LRP1B: variants seen among roughly 807,000 people sequenced by gnomAD.
LRP1B encodes LDL receptor related protein 1B.
A neutral mutation model predicts 556.6 loss-of-function variants in LRP1B; 217 were observed. The ratio of observed to expected loss-of-function variants is 0.39; its 90% CI spans 0.35 to 0.44. The LOEUF (loss-of-function observed/expected upper bound fraction) is 0.44. Among genes scored for constraint, LRP1B ranks in the 20% least tolerant of loss-of-function variants. LRP1B has a pLI of 1.00. For synonymous variants in LRP1B, 2,047 were observed against 1,865.8 expected (o/e 1.10, Z -2.50); for missense variants, 5,053 against 5,620.8 (o/e 0.90, Z 3.23).
chr2:140,704,720 T>G (rs1482887372), intron 37 of LRP1B, among the ~76,000 whole-genome samples: 1 of 152,178 alleles, frequency 6.6e-6, no homozygotes, highest in Non-Finnish European at 1.5e-5. Context: ...GGAGGCACTG[T>G]GAGACCAGGG....
intron 2 of LRP1B, among the ~76,000 whole-genome samples, chr2:141,802,095 T>G (rs1567307): frequency 0.18 from 27,892 of 152,090 alleles, 3,012 homozygotes; most frequent in East Asian, 0.39. Context: ...AAATTCATGC[T>G]GAATTCTAAG....
chr2:141,830,800 G>A (rs1697089480), intron 1 of LRP1B, among the ~76,000 whole-genome samples: 2 of 151,822 alleles, frequency 1.3e-5, no homozygotes, highest in Non-Finnish European at 1.5e-5. Context: ...AAGGAAAACT[G>A]TAAGAGGACA....
intron 41 of LRP1B, among the ~76,000 whole-genome samples, chr2:140,687,712 T>A (rs1048984089): frequency 6.6e-6 from 1 of 152,116 alleles, no homozygotes; most frequent in Non-Finnish European, 1.5e-5. Flanking sequence ...AAAGCTTGTT[T>A]ATTCTTGCAT....
chr2:140,721,776 C>T (rs1356468757), intron 35 of LRP1B, among the ~76,000 whole-genome samples: 1 of 148,712 alleles, frequency 6.7e-6, no homozygotes, highest in Non-Finnish European at 1.5e-5. Context: ...CCAGGATGGT[C>T]TCGATCTCCT....
chr2:141,632,869 CAA>C (rs55807294), intron 2 of LRP1B, among the ~76,000 whole-genome samples: 110,844 of 133,350 alleles, frequency 0.83, 46,109 homozygotes, highest in East Asian at 0.98. Context: ...CTACAAGAAC[CAA>C]AAAAAAAAAA....
chr2:141,917,837 A>G (rs1038045386), intron 1 of LRP1B, among the ~76,000 whole-genome samples: 3 of 152,198 alleles, frequency 2.0e-5, no homozygotes, highest in African/African-American at 7.2e-5. Context: ...AAATAACAGT[A>G]CACAATTTAG....
At chr2:141,493,994 T>A (rs1473378277) in intron 2 of LRP1B, among the ~76,000 whole-genome samples, 2 of 152,136 alleles carry the variant, frequency 1.3e-5, no homozygotes, top group Admixed American at 6.6e-5. Flanking sequence ...ACAAAACCCT[T>A]CCTTTAAGCA....
rs561204615 is a variant in LRP1B, at chr2:141,627,068, G to T, written c.206-146535C>A. On this transcript the variant is annotated intron_variant, in intron 2 of 90. Coordinates refer to ENST00000389484, the MANE Select transcript of LRP1B (RefSeq NM_018557.3). ...TCAAGATGTTCTTCAGAGGTGACTG[G>T]ATAAGTAAATTGAGGTATATCCAGG... Among the ~76,000 whole-genome samples the T allele has an allele frequency of 7.9e-5, 12 of 152,320 alleles. No homozygotes were observed. The South Asian group carries it at 2.5e-3, about 32-fold the overall frequency.
intron 18 of LRP1B, among the ~76,000 whole-genome samples, chr2:140,981,630 C>G (rs1213944634): frequency 6.6e-6 from 1 of 152,054 alleles, no homozygotes; most frequent in Non-Finnish European, 1.5e-5. Flanking sequence ...ATTTTGCCAT[C>G]AACAAAAATA....
intron 11 of LRP1B, among the ~76,000 whole-genome samples, chr2:141,021,718 A>AT (rs1698068499): frequency 6.6e-6 from 1 of 151,654 alleles, no homozygotes; most frequent in Non-Finnish European, 1.5e-5. Flanking sequence ...CTTGAGACTT[A>AT]TTTTTTTCAT....
At chr2:141,125,616 T>C (rs1375829335) in intron 7 of LRP1B, among the ~76,000 whole-genome samples, 2 of 152,134 alleles carry the variant, frequency 1.3e-5, no homozygotes, top group Non-Finnish European at 2.9e-5. Flanking sequence ...CACACTATCT[T>C]TGCTGATATG....
chr2:140,399,190 C>CA (rs1684389044), intron 66 of LRP1B, among the ~76,000 whole-genome samples: 2 of 151,498 alleles, frequency 1.3e-5, no homozygotes, highest in East Asian at 3.9e-4. Flanking sequence ...CACACACACA[C>CA]CACTTATTCA....
intron 2 of LRP1B, among the ~76,000 whole-genome samples, chr2:141,615,841 T>C (rs941485713): frequency 6.6e-6 from 1 of 152,188 alleles, no homozygotes; most frequent in Non-Finnish European, 1.5e-5. Flanking sequence ...GATTTGGTAA[T>C]AGCTGGGTTG....
At chr2:140,431,798 C>T (rs777495281) in intron 66 of LRP1B, among the ~76,000 whole-genome samples, 1 of 152,086 alleles carries the variant, frequency 6.6e-6, no homozygotes, top group African/African-American at 2.4e-5. Flanking sequence ...CCCACAATAT[C>T]ACCCCTTACC....
intron 2 of LRP1B, among the ~76,000 whole-genome samples, chr2:141,491,184 G>A (rs532332644): frequency 6.6e-6 from 1 of 152,098 alleles, no homozygotes; most frequent in East Asian, 1.9e-4. Flanking sequence ...TTGTAAAGTT[G>A]GCTCTCTGAC....
intron 66 of LRP1B, among the ~76,000 whole-genome samples, chr2:140,426,199 C>CT (rs1685644825): frequency 6.6e-6 from 1 of 152,150 alleles, no homozygotes; most frequent in Non-Finnish European, 1.5e-5. Context: ...TTCAATTTCT[C>CT]ATTTGTAATA....
intron 71 of LRP1B, among the ~76,000 whole-genome samples, chr2:140,370,189 T>C (rs1682933215): frequency 6.6e-6 from 1 of 151,962 alleles, no homozygotes; most frequent in African/African-American, 2.4e-5. Context: ...TCTTTTAGAC[T>C]GACAAAAAAA....
intron 3 of LRP1B, among the ~76,000 whole-genome samples, chr2:141,362,817 T>TAA (rs372926853): frequency 1.0e-4 from 14 of 138,828 alleles, no homozygotes; most frequent in Non-Finnish European, 7.9e-5. Context: ...TTGCATTAAT[T>TAA]AAAAAAAAAA....
At chr2:141,861,014 A>C (rs1197248239) in intron 1 of LRP1B, among the ~76,000 whole-genome samples, 1 of 152,200 alleles carries the variant, frequency 6.6e-6, no homozygotes, top group African/African-American at 2.4e-5. Context: ...TTCTCTCTAC[A>C]TTCCTCTAGA....
Sources: gnomAD v4.1 joint callset for allele counts (sites outside exome capture counted in the v4.1 genomes callset) on GRCh38, gnomAD v4.1.1 for gene constraint, MANE v1.5 for transcripts, NCBI Gene and HGNC (gene_info 2026-07-23, HGNC 2026-07-21) for gene names.